Variants in RPL35A observed in about 807,000 individuals in gnomAD.
RPL35A encodes large ribosomal subunit protein eL33.
Under a neutral mutation model 16.7 loss-of-function variants are expected in RPL35A, and 1 was observed. That is an observed-to-expected ratio of 0.06 (90% confidence interval 0.02 to 0.28). RPL35A has a LOEUF of 0.28. Among genes scored for constraint, RPL35A ranks in the 10% least tolerant of loss-of-function variants. RPL35A has a pLI of 1.00. For synonymous variants in RPL35A, 58 were observed against 47.0 expected (o/e 1.23, Z -0.96); for missense variants, 91 against 138.7 (o/e 0.66, Z 1.73).
chr3:197,951,632 C>T, intron 3 of RPL35A: 1 of 356,664 alleles, frequency 2.8e-6, no homozygotes, highest in Non-Finnish European at 5.3e-6. Flanking sequence ...AGATTACAGG[C>T]TTGAGCCACC....
At chr3:197,953,800 T>C in intron 3 of RPL35A, 1 of 623,260 alleles carries the variant, frequency 1.6e-6, no homozygotes, top group Non-Finnish European at 2.9e-6. Context: ...TTTTGTTTTA[T>C]AGCTGCTGTA....
intron 4 of RPL35A, chr3:197,954,500 A>C (rs569271159): frequency 2.9e-6 from 1 of 342,826 alleles, no homozygotes; most frequent in South Asian, 2.5e-5. Flanking sequence ...CACCCAGCTA[A>C]TTTTTGGGGT....
chr3:197,953,386 T>G (rs1311626968), intron 3 of RPL35A: 1 of 455,120 alleles, frequency 2.2e-6, no homozygotes, highest in African/African-American at 2.0e-5. Context: ...TTAAAGGAAA[T>G]ATATATAAAG....
chr3:197,954,626 C>G (rs1315336393), intron 4 of RPL35A, among the ~76,000 whole-genome samples: 1 of 152,176 alleles, frequency 6.6e-6, no homozygotes, highest in Non-Finnish European at 1.5e-5. Context: ...TCTTGTGCCT[C>G]AGCCTCCCGA....
At chr3:197,953,168 AAAGTGT>A (rs1255267785) in intron 3 of RPL35A, among the ~76,000 whole-genome samples, 1 of 152,218 alleles carries the variant, frequency 6.6e-6, no homozygotes, top group African/African-American at 2.4e-5. Flanking sequence ...AATCTCTGGG[AAAGTGT>A]TTTAATCATT....
At chr3:197,950,404 C>CATCAG in intron 1 of RPL35A, 183 bp downstream of exon 1, 1 of 1,070,394 alleles carries the variant, frequency 9.3e-7, no homozygotes, top group Non-Finnish European at 1.2e-6. Context: ...CCCCTGACAC[C>CATCAG]CGGAGAACGG....
rs1411158527 is a variant in RPL35A at position 197,954,234 on chromosome 3, T to C, written c.309+87T>C. 5.0e-6 allele frequency: 7 copies of C among 1,398,234 alleles called. No individual in the cohort carries two copies. The East Asian group carries it at 1.6e-4, about 33-fold the overall frequency. The allele number at this position is 1,398,234 out of a possible 1,614,324, so 86.6% of individuals were successfully genotyped here. A position where few individuals can be genotyped will look rare whatever the true frequency, so the allele number is the denominator to read the frequency against. On this transcript the variant is annotated intron_variant, in intron 4 of 4. Coordinates refer to ENST00000647248, the MANE Select transcript of RPL35A (RefSeq NM_000996.4). ...CTTTGACTTCTGAGGACTTCTGTGG[T>C]TGTGAAATTGACACCAGTAAATTAT...
At chr3:197,955,640 C>G in intron 4 of RPL35A, 110 bp from the exon 5 acceptor site, 5 of 988,732 alleles carry the variant, frequency 5.1e-6, no homozygotes, top group South Asian at 2.6e-5. Flanking sequence ...TTCCTTACCA[C>G]TAGAACATGT....
chr3:197,953,838 G>T (rs1377684120), intron 3 of RPL35A, 165 bp from the exon 4 acceptor site: 6 of 702,454 alleles, frequency 8.5e-6, no homozygotes, highest in Non-Finnish European at 1.5e-5. Flanking sequence ...GCATACAATA[G>T]TTACTCGATA....
Position 197,956,310 on chromosome 3 carries a change from A to C in RPL35A, c.*537A>C, listed in dbSNP as rs149508637. The C allele has an allele frequency of 6.2e-6, 1 of 160,954 alleles. No individual in the cohort carries two copies. The highest frequency in any genetic ancestry group is 1.4e-5 in the Non-Finnish European group (1 of 72,748). The allele number at this position is 160,954 out of a possible 1,614,324, so 10.0% of individuals were successfully genotyped here. A position where few individuals can be genotyped will look rare whatever the true frequency, so the allele number is the denominator to read the frequency against. ...GCAGATTGGGAAACTTAAAATTTGA[A>C]TGGAGATTATGTTGATGGGCTTTGG... On this transcript the variant is annotated 3_prime_UTR_variant, in exon 5 of 5. Transcript: ENST00000647248.
intron 1 of RPL35A, 58 bp downstream of exon 1, chr3:197,950,279 C>T (rs2109801448): frequency 1.6e-6 from 2 of 1,230,600 alleles, no homozygotes; most frequent in Admixed American, 8.4e-5. Context: ...AGGTTTGTTC[C>T]TGTGCCTTGG....
At chr3:197,954,792 G>C (rs1171403234) in intron 4 of RPL35A, among the ~76,000 whole-genome samples, 1 of 152,166 alleles carries the variant, frequency 6.6e-6, no homozygotes, top group African/African-American at 2.4e-5. Context: ...ATATGCTTGA[G>C]CCACCACAGC....
intron 3 of RPL35A, among the ~76,000 whole-genome samples, chr3:197,951,843 G>GT (rs1261349655): frequency 1.2e-4 from 18 of 151,638 alleles, no homozygotes; most frequent in Non-Finnish European, 2.5e-4. Context: ...GCTTACAGGG[G>GT]TGTGCCACCA....
At chr3:197,950,801 C>A (rs1720003068) in intron 1 of RPL35A, 135 bp from the exon 2 acceptor site, 1 of 724,172 alleles carries the variant, frequency 1.4e-6, no homozygotes, top group African/African-American at 1.8e-5. Flanking sequence ...TATGGATGTT[C>A]TGGCATTGTT....
intron 1 of RPL35A, chr3:197,950,487 T>C: frequency 2.7e-6 from 1 of 375,138 alleles, no homozygotes. Flanking sequence ...TGTGCAGTTG[T>C]CCATGAGGCA....
chr3:197,953,930 G>A (rs1387188948), intron 3 of RPL35A, 73 bp from the exon 4 acceptor site: 8 of 1,526,302 alleles, frequency 5.2e-6, no homozygotes, highest in African/African-American at 4.1e-5. Flanking sequence ...AGAGCCACTC[G>A]TGTAGAGGTC....
At chr3:197,951,333 G>A (rs773728322) in intron 3 of RPL35A, 22 bp downstream of exon 3, 5 of 1,613,460 alleles carry the variant, frequency 3.1e-6, no homozygotes, top group Non-Finnish European at 2.5e-6. Flanking sequence ...ACACTGGTAG[G>A]TTTTGGGTTT....
At chr3:197,951,855 G>T (rs1184163927) in intron 3 of RPL35A, among the ~76,000 whole-genome samples, 1 of 151,894 alleles carries the variant, frequency 6.6e-6, no homozygotes, top group Non-Finnish European at 1.5e-5. Context: ...GTGCCACCAC[G>T]CCCGGCTAAT....
At chr3:197,953,429 A>G (rs1355910892) in intron 3 of RPL35A, 1 of 456,618 alleles carries the variant, frequency 2.2e-6, no homozygotes. Flanking sequence ...GAACCACAGT[A>G]GTTTCTCTCA....
Sources: gnomAD v4.1 joint callset for allele counts (sites outside exome capture counted in the v4.1 genomes callset) on GRCh38, gnomAD v4.1.1 for gene constraint, MANE v1.5 for transcripts, NCBI Gene and HGNC (gene_info 2026-07-23, HGNC 2026-07-21) for gene names.